Variants in RASAL2 observed in about 807,000 individuals in gnomAD.
RASAL2 encodes the protein RAS protein activator like 2, also known as ras GTPase-activating protein nGAP.
A neutral mutation model predicts 128.9 loss-of-function variants in RASAL2; 58 were observed. The observed-to-expected ratio is 0.45, with a 90% CI of 0.36 to 0.56. The LOEUF (loss-of-function observed/expected upper bound fraction) is 0.56. Among genes scored for constraint, RASAL2 ranks in the 20% least tolerant of loss-of-function variants. The probability of loss-of-function intolerance (pLI) is 0.00; values close to 1 mark genes in which losing one functional copy is unlikely to be tolerated. For missense variants in RASAL2, 1,360 were observed against 1,601.6 expected (o/e 0.85, Z 2.57); for synonymous variants, 561 against 580.8 (o/e 0.97, Z 0.49).
chr1:178,291,680 A>G (rs1667284410), intron 2 of RASAL2, among the ~76,000 whole-genome samples: 2 of 152,240 alleles, frequency 1.3e-5, no homozygotes, highest in African/African-American at 4.8e-5. Context: ...TTATAAATCA[A>G]TTTCTTGTGT....
At chr1:178,255,262 A>G (rs1248688633) in intron 1 of RASAL2, among the ~76,000 whole-genome samples, 2 of 152,180 alleles carry the variant, frequency 1.3e-5, no homozygotes, top group African/African-American at 4.8e-5. Context: ...AATGAAAAAA[A>G]ACAAAGAGCT....
intron 1 of RASAL2, among the ~76,000 whole-genome samples, chr1:178,123,362 C>T (rs1659782758): frequency 6.6e-6 from 1 of 152,164 alleles, no homozygotes; most frequent in African/African-American, 2.4e-5. Flanking sequence ...AAAGCTAACA[C>T]ATAATTATAG....
chr1:178,254,434 C>A (rs1665220853), intron 1 of RASAL2, among the ~76,000 whole-genome samples: 1 of 152,140 alleles, frequency 6.6e-6, no homozygotes, highest in African/African-American at 2.4e-5. Context: ...TGATCCATTT[C>A]TCAGTGAAAT....
intron 2 of RASAL2, among the ~76,000 whole-genome samples, chr1:178,292,229 G>A (rs1667311735): frequency 6.6e-6 from 1 of 152,026 alleles, no homozygotes; most frequent in Non-Finnish European, 1.5e-5. Flanking sequence ...TAATTAAAAG[G>A]GTTCTGTAAG....
chr1:178,218,555 C>T (rs1456724850), intron 1 of RASAL2, among the ~76,000 whole-genome samples: 2 of 152,126 alleles, frequency 1.3e-5, no homozygotes, highest in Non-Finnish European at 2.9e-5. Context: ...GGCATGATGG[C>T]ATACTCCTGT....
At chr1:178,168,633 C>T (rs1482898704) in intron 1 of RASAL2, among the ~76,000 whole-genome samples, 1 of 152,066 alleles carries the variant, frequency 6.6e-6, no homozygotes, top group Non-Finnish European at 1.5e-5. Context: ...GCACTGCTAG[C>T]TCTGTAGGCT....
Position 178,473,159 on chromosome 1 carries a change from G to T in RASAL2, c.3763G>T (p.Val1255Phe). The T allele has an allele frequency of 6.2e-7, 1 of 1,614,170 alleles. No homozygotes were observed. Among genetic ancestry groups the T allele is most frequent in the Non-Finnish European group, 8.5e-7 (1 of 1,180,020 alleles). ...AGTGAAGGAGCGGTACAGCATGCAG[G>T]TCCGCAATGGCATCTCCCCCACCAA... ...TQVKERYSMQVRNGISPTNPT... is the reference protein window; with the variant it reads ...TQVKERYSMQFRNGISPTNPT... The change falls in exon 18 of 18, where the codon GTC becomes TTC. Residue 1255 changes from valine to phenylalanine, a missense_variant. Physicochemically the swap from Val to Phe is conservative, Grantham distance 50. Around this residue, in one of 3 missense-constraint regions of RASAL2, gnomAD observed 741 missense variants for 868.6 expected, o/e 0.85. Coordinates refer to ENST00000367649, the MANE Select transcript of RASAL2 (RefSeq NM_170692.4).
At chr1:178,177,096 A>AC (rs1271152794) in intron 1 of RASAL2, among the ~76,000 whole-genome samples, 2 of 152,182 alleles carry the variant, frequency 1.3e-5, no homozygotes, top group Non-Finnish European at 2.9e-5. Context: ...TAACATGAAT[A>AC]GTTGTGAGAA....
chr1:178,463,544 A>T (rs1341588943), intron 14 of RASAL2, among the ~76,000 whole-genome samples: 2 of 152,148 alleles, frequency 1.3e-5, no homozygotes, highest in Non-Finnish European at 2.9e-5. Context: ...AAAATAGACT[A>T]CCCAGTATCC....
chr1:178,169,919 A>G lies in RASAL2; in HGVS notation c.202+75225A>G, dbSNP rs757391745. Among the ~76,000 whole-genome samples, 76 of 152,054 alleles carry G rather than the reference A, an allele frequency of 5.0e-4. 1 individual carries two copies. The highest frequency in any genetic ancestry group is 7.2e-4 in the Non-Finnish European group (49 of 67,946). ...CATTTTATACTTTAAAGAAATACACATCATGGAAGAATGGGAAGGTTTAAA... is the reference window on the plus strand; with the variant it reads ...CATTTTATACTTTAAAGAAATACACGTCATGGAAGAATGGGAAGGTTTAAA... On this transcript the variant is annotated intron_variant, in intron 1 of 17. Coordinates refer to ENST00000367649, the MANE Select transcript of RASAL2 (RefSeq NM_170692.4).
In RASAL2 at chr1:178,272,626, TC is replaced by T. The variant is rs563945632; in HGVS notation, c.203-10937del. On this transcript the variant is annotated intron_variant, in intron 1 of 17. Transcript: ENST00000367649. ...TGGGCTTGAACTATATTTTCTTTTCTCAATTAAAATCCAACTATTTGGCCAG... is the reference window on the plus strand; with the variant it reads ...TGGGCTTGAACTATATTTTCTTTTCTAATTAAAATCCAACTATTTGGCCAG... 6.0e-3 allele frequency among the ~76,000 whole-genome samples: 914 copies of T among 152,268 alleles called. 6 individuals are homozygous for T. The highest frequency in any genetic ancestry group is 9.6e-3 in the Non-Finnish European group (651 of 68,014).
At chr1:178,104,345 T>TTA (rs1659013235) in intron 1 of RASAL2, among the ~76,000 whole-genome samples, 2 of 152,206 alleles carry the variant, frequency 1.3e-5, no homozygotes, top group South Asian at 4.1e-4. Context: ...TATATTCATG[T>TTA]GCCAGTATCA....
chr1:178,219,632 G>GAA (rs34519020), intron 1 of RASAL2, among the ~76,000 whole-genome samples: 12 of 108,664 alleles, frequency 1.1e-4, no homozygotes, highest in East Asian at 2.5e-4. Context: ...TCTGCCTCAG[G>GAA]AAAAAAAAAA....
intron 1 of RASAL2, among the ~76,000 whole-genome samples, chr1:178,233,109 C>A (rs903694284): frequency 6.6e-6 from 1 of 152,144 alleles, no homozygotes; most frequent in African/African-American, 2.4e-5. Flanking sequence ...TGGAAAATGG[C>A]GTAATAACAT....
chr1:178,116,076 C>T (rs1202758973), intron 1 of RASAL2, among the ~76,000 whole-genome samples: 1 of 152,126 alleles, frequency 6.6e-6, no homozygotes, highest in African/African-American at 2.4e-5. Flanking sequence ...TCCTATTCAT[C>T]CGTTAGTACC....
At chr1:178,197,184 G>A (rs965827541) in intron 1 of RASAL2, among the ~76,000 whole-genome samples, 21 of 152,156 alleles carry the variant, frequency 1.4e-4, no homozygotes, top group African/African-American at 5.1e-4. Flanking sequence ...GTGGCCGGGC[G>A]TGGTGGCTCA....
chr1:178,396,820 G>A (rs1456651592), intron 4 of RASAL2, among the ~76,000 whole-genome samples: 2 of 142,564 alleles, frequency 1.4e-5, no homozygotes, highest in African/African-American at 5.6e-5. Context: ...ATTGTTGAGT[G>A]GCTGGTAAAA....
intron 1 of RASAL2, among the ~76,000 whole-genome samples, chr1:178,220,826 A>G (rs1663588744): frequency 6.6e-6 from 1 of 152,218 alleles, no homozygotes; most frequent in Non-Finnish European, 1.5e-5. Flanking sequence ...TGTCTACTGA[A>G]AGACATGTTG....
intron 1 of RASAL2, among the ~76,000 whole-genome samples, chr1:178,201,288 A>G (rs1662858648): frequency 6.6e-6 from 1 of 152,182 alleles, no homozygotes; most frequent in Non-Finnish European, 1.5e-5. Flanking sequence ...TTGCTTGGTT[A>G]GGTGAATTGT....
Sources: allele counts gnomAD v4.1 joint callset (sites outside exome capture counted in the v4.1 genomes callset), GRCh38; gene constraint gnomAD v4.1.1; regional missense constraint gnomAD v4.1.1; transcripts MANE v1.5; gene names NCBI Gene and HGNC (gene_info 2026-07-23, HGNC 2026-07-21).